Variants in CDH8 observed in about 807,000 individuals in gnomAD.
CDH8 encodes the protein cadherin-8.
In CDH8, 17 loss-of-function variants were observed where a neutral mutation model predicts 68.1. That is an observed-to-expected ratio of 0.25 (90% CI 0.17 to 0.37). CDH8 has a LOEUF of 0.37. CDH8 is among the 10% of genes least tolerant of loss of function. CDH8 has a pLI of 1.00. For synonymous variants in CDH8, 372 were observed against 365.1 expected, an observed-to-expected ratio of 1.02 and a Z score of -0.21; for missense variants, 763 against 999.3, an observed-to-expected ratio of 0.76 and a Z score of 3.19.
At chr16:61,725,969 A>G (rs1439414303) in intron 9 of CDH8, 2 of 150,682 alleles carry the variant, frequency 1.3e-5, no homozygotes, top group Non-Finnish European at 3.0e-5. Context: ...CTCCAGATAC[A>G]TGAGAGTAGT....
chr16:61,910,038 T>C (rs1279360058), intron 2 of CDH8, among the ~76,000 whole-genome samples: 2 of 152,144 alleles, frequency 1.3e-5, no homozygotes, highest in African/African-American at 4.8e-5. Context: ...AGTTCACAAA[T>C]CTCATTTTTT....
intron 2 of CDH8, among the ~76,000 whole-genome samples, chr16:61,925,801 AC>A (rs1167964405): frequency 6.6e-6 from 1 of 152,144 alleles, no homozygotes; most frequent in Non-Finnish European, 1.5e-5. Flanking sequence ...AAATGTTTTG[AC>A]TTCTGAAGTA....
intron 8 of CDH8, among the ~76,000 whole-genome samples, chr16:61,746,949 T>C (rs1016379983): frequency 7.9e-5 from 12 of 152,206 alleles, no homozygotes; most frequent in African/African-American, 2.9e-4. Context: ...GAATTCAAGA[T>C]GAATGATTAG....
At position 61,652,255 on chromosome 16, in the gene CDH8, A is replaced by G; in HGVS notation, c.*1353T>C. ...AGTCTAAGACATTCTGTGCATCACC[A>G]TGAAGATCAGGGATAGGAGTGCTAA... On this transcript the variant is annotated 3_prime_UTR_variant, in exon 12 of 12. Coordinates refer to ENST00000577390, the MANE Select transcript of CDH8 (RefSeq NM_001796.5). The G allele has an allele frequency of 1.0e-6, 1 of 984,816 alleles. No homozygotes were observed. The highest frequency in any genetic ancestry group is 1.2e-6 in the Non-Finnish European group (1 of 829,402). The allele number at this position is 984,816 out of a possible 1,614,324, so 61.0% of individuals were successfully genotyped here. A position where few individuals can be genotyped will look rare whatever the true frequency, so the allele number is the denominator to read the frequency against.
At chr16:61,762,565 G>A (rs999946467) in intron 8 of CDH8, among the ~76,000 whole-genome samples, 2 of 152,082 alleles carry the variant, frequency 1.3e-5, no homozygotes, top group African/African-American at 4.8e-5. Flanking sequence ...CAGTATGAGT[G>A]TTGCTTAGAT....
At chr16:61,788,069 C>A (rs1456354540) in intron 8 of CDH8, among the ~76,000 whole-genome samples, 2 of 150,700 alleles carry the variant, frequency 1.3e-5, no homozygotes, top group Admixed American at 6.6e-5. Flanking sequence ...GCACATGTAC[C>A]CTAAAACTTA....
chr16:61,825,092 T>C lies in CDH8; in HGVS notation c.755A>G (p.His252Arg). 6.2e-7 allele frequency: 1 copy of C among 1,611,884 alleles called. No individual in the cohort carries two copies. The highest frequency in any genetic ancestry group is 8.5e-7 in the Non-Finnish European group (1 of 1,178,612). Residue 252 changes from histidine (H) to arginine (R), a missense_variant, in exon 5 of 12, where the codon CAC (histidine) becomes CGC (arginine). His to Arg is a conservative substitution (Grantham distance 29). Around this residue, in one of 2 missense-constraint regions of CDH8, gnomAD observed 366 missense variants for 563.1 expected, o/e 0.65. Coordinates refer to ENST00000577390, the MANE Select transcript of CDH8 (RefSeq NM_001796.5). The part of the protein sequence containing the change: ...VVIQAKDMGG[H>R]SGGLSGTTTL... Reference sequence around the variant, plus strand: ...CGTGGTCCCAGACAGGCCACCAGAGTGTCCACCCATATCTTTGGCTTGGAT... The same window carrying C: ...CGTGGTCCCAGACAGGCCACCAGAGCGTCCACCCATATCTTTGGCTTGGAT...
chr16:61,986,533 C>T (rs117046054), intron 2 of CDH8, among the ~76,000 whole-genome samples: 330 of 152,226 alleles, frequency 2.2e-3, no homozygotes, highest in Middle Eastern at 0.01. Flanking sequence ...AGGAAGAATG[C>T]GCACTTTGAG....
chr16:62,021,677 G>A (rs748043514), intron 1 of CDH8, 75 bp from the exon 2 acceptor site: 69 of 804,554 alleles, frequency 8.6e-5, no homozygotes, highest in Non-Finnish European at 1.1e-4. Context: ...CTTTTCAAAA[G>A]CACCTGAAGT....
chr16:61,930,305 A>ACACC (rs796420334), intron 2 of CDH8, among the ~76,000 whole-genome samples: 21 of 150,720 alleles, frequency 1.4e-4, no homozygotes, highest in African/African-American at 4.9e-4. Context: ...ACACACACAC[A>ACACC]CCCCTATGTA....
intron 10 of CDH8, among the ~76,000 whole-genome samples, chr16:61,674,259 C>G (rs965671104): frequency 6.6e-6 from 1 of 151,992 alleles, no homozygotes; most frequent in African/African-American, 2.4e-5. Flanking sequence ...TCGAGACCAG[C>G]CTGGCCAACA....
intron 2 of CDH8, among the ~76,000 whole-genome samples, chr16:61,902,972 T>A (rs1381902229): frequency 1.3e-5 from 2 of 152,204 alleles, no homozygotes; most frequent in African/African-American, 4.8e-5. Context: ...TAATTTAGGA[T>A]CATTTTAATT....
intron 7 of CDH8, among the ~76,000 whole-genome samples, chr16:61,791,095 T>A (rs1402035320): frequency 6.6e-6 from 1 of 151,980 alleles, no homozygotes; most frequent in African/African-American, 2.4e-5. Context: ...AAAAATATAT[T>A]ATGAAATGAA....
At position 61,922,231 on chromosome 16, in the gene CDH8, C is replaced by T. The variant is rs192044142; in HGVS notation, c.253-20758G>A. Among the ~76,000 whole-genome samples, 126 of 152,174 alleles carry T rather than the reference C, an allele frequency of 8.3e-4. 2 individuals are homozygous for T. The Middle Eastern group carries it at 0.017, about 21-fold the overall frequency. On this transcript the variant is annotated intron_variant, in intron 2 of 11. Coordinates refer to ENST00000577390, the MANE Select transcript of CDH8 (RefSeq NM_001796.5). ...TTGATAACAAATATTAGCTGTCTGC[C>T]GGATCAATACTGTAGTGCACTTTAA... is the stretch of plus-strand genomic sequence containing the variant.
At chr16:61,951,512 CAA>C (rs574416496) in intron 2 of CDH8, among the ~76,000 whole-genome samples, 11 of 72,858 alleles carry the variant, frequency 1.5e-4, no homozygotes, top group Admixed American at 1.5e-4. Flanking sequence ...GACTCCGTCT[CAA>C]AAAAAAAAAA....
rs370384848 is a variant in CDH8, at chr16:61,745,233, T to G, written c.1415-18018A>C. 6.6e-5 allele frequency among the ~76,000 whole-genome samples: 10 copies of G among 152,076 alleles called. No individual in the cohort carries two copies. The East Asian group carries it at 1.7e-3, about 26-fold the overall frequency. ...TCTCTGCCTTCCATAATTTATATTA[T>G]CAAATAAGCTGTCTGCTTTTGAGAC... On this transcript the variant is annotated intron_variant, in intron 8 of 11. Coordinates refer to ENST00000577390, the MANE Select transcript of CDH8 (RefSeq NM_001796.5).
intron 2 of CDH8, among the ~76,000 whole-genome samples, chr16:62,006,228 T>G (rs1359017260): frequency 6.6e-6 from 1 of 152,200 alleles, no homozygotes; most frequent in African/African-American, 2.4e-5. Flanking sequence ...GAAGAGCAAA[T>G]CGTGTTCGAT....
chr16:61,823,532 G>A (rs1424545494), intron 5 of CDH8, among the ~76,000 whole-genome samples: 1 of 151,660 alleles, frequency 6.6e-6, no homozygotes, highest in Admixed American at 6.6e-5. Flanking sequence ...TGCTTGCCAG[G>A]GCTACCATCA....
At chr16:61,972,001 G>A (rs1597100393) in intron 2 of CDH8, among the ~76,000 whole-genome samples, 1 of 152,286 alleles carries the variant, frequency 6.6e-6, no homozygotes, top group African/African-American at 2.4e-5. Context: ...ATATGGCTTG[G>A]TTGTGTACTG....
Sources: allele counts gnomAD v4.1 joint callset (sites outside exome capture counted in the v4.1 genomes callset), GRCh38; gene constraint gnomAD v4.1.1; regional missense constraint gnomAD v4.1.1; transcripts MANE v1.5; gene names NCBI Gene and HGNC (gene_info 2026-07-23, HGNC 2026-07-21).